Variants in DLEC1 observed in about 807,000 individuals in gnomAD.
DLEC1 encodes deleted in lung and esophageal cancer protein 1.
A neutral mutation model predicts 198.1 loss-of-function variants in DLEC1; 146 were observed. The observed-to-expected ratio is 0.74, with a 90% confidence interval of 0.64 to 0.85. DLEC1 has a LOEUF of 0.85. Ranked by LOEUF, DLEC1 falls within the 40% of genes least tolerant of loss-of-function variation. The pLI, the probability that DLEC1 is intolerant of heterozygous loss-of-function variation, is 0.00. For missense variants in DLEC1, 2,233 were observed against 2,220.0 expected (o/e 1.01, Z -0.12); for synonymous variants, 897 against 866.8 (o/e 1.03, Z -0.61).
Position 38,120,613 on chromosome 3 carries a change from C to A in DLEC1, c.4866+4C>A, listed in dbSNP as rs201177380. On this transcript the variant is annotated splice_donor_region_variant and intron_variant, in intron 34 of 36. Coordinates refer to ENST00000308059, the MANE Select transcript of DLEC1 (RefSeq NM_007335.4). ...GTACACCAACCAGACCACTCAGGCA[C>A]GCCCCAGGCCCACCTACATGTGGAG... 2.5e-6 allele frequency: 4 copies of A among 1,612,862 alleles called. No individual in the cohort carries two copies. Among genetic ancestry groups the A allele is most frequent in the Middle Eastern group, 4.0e-4 (2 of 5,032 alleles).
At chr3:38,074,223 A>G (rs1697478902) in intron 6 of DLEC1, among the ~76,000 whole-genome samples, 1 of 152,236 alleles carries the variant, frequency 6.6e-6, no homozygotes, top group Admixed American at 6.5e-5. Flanking sequence ...GTTTTGTCTC[A>G]CAGCAGAGGC....
chr3:38,058,715 A>T (rs934447305), intron 2 of DLEC1, among the ~76,000 whole-genome samples: 1 of 152,106 alleles, frequency 6.6e-6, no homozygotes, highest in Non-Finnish European at 1.5e-5. Flanking sequence ...TGTAATGTAA[A>T]CATGGACTTT....
chr3:38,100,302 T>C lies in DLEC1; in HGVS notation c.2741T>C (p.Ile914Thr), dbSNP rs566801055. The C allele has an allele frequency of 4.8e-5, 77 of 1,612,132 alleles. No homozygotes were observed. The highest frequency in any genetic ancestry group is 5.3e-5 in the African/African-American group (4 of 74,922). Residue 914 changes from isoleucine to threonine, a missense_variant, in exon 19 of 37, where the codon ATT becomes ACT. Coordinates refer to ENST00000308059, the MANE Select transcript of DLEC1 (RefSeq NM_007335.4). ...CCGGGGCAGGTGTCTCCCTTCGACATTGAGCCTTCGAGTGGCCAGCTTCAC... is the reference window on the plus strand; with the variant it reads ...CCGGGGCAGGTGTCTCCCTTCGACACTGAGCCTTCGAGTGGCCAGCTTCAC... ...ERPEDVSPFD[I>T]EPSSGQLHSL...
chr3:38,115,498 G>C (rs1700104663), intron 27 of DLEC1, among the ~76,000 whole-genome samples: 1 of 146,642 alleles, frequency 6.8e-6, no homozygotes, highest in South Asian at 2.1e-4. Flanking sequence ...CAGAGTGTAG[G>C]CTGAGTCTAA....
chr3:38,104,905 T>C (rs866887607), intron 19 of DLEC1, among the ~76,000 whole-genome samples: 3 of 152,132 alleles, frequency 2.0e-5, no homozygotes, highest in Admixed American at 2.0e-4. Context: ...TTGCAATCTT[T>C]CTTTTTTGTT....
At chr3:38,078,731 G>C (rs961452662) in intron 6 of DLEC1, among the ~76,000 whole-genome samples, 12 of 152,174 alleles carry the variant, frequency 7.9e-5, no homozygotes, top group South Asian at 6.2e-4. Flanking sequence ...GATGAAGGGT[G>C]CAAAGGAATA....
chr3:38,115,635 G>C (rs1049476681), intron 27 of DLEC1, among the ~76,000 whole-genome samples: 3 of 152,110 alleles, frequency 2.0e-5, no homozygotes, highest in Non-Finnish European at 4.4e-5. Context: ...CTGCCCCTGA[G>C]GAGAGCTGCG....
chr3:38,053,710 T>G (rs1297737453), intron 2 of DLEC1, among the ~76,000 whole-genome samples: 1 of 152,328 alleles, frequency 6.6e-6, no homozygotes, highest in African/African-American at 2.4e-5. Context: ...AACAGCTCAT[T>G]GAGAACGGGC....
rs944721227 is a variant in DLEC1, at chr3:38,117,924, A to G, written c.4604A>G (p.Gln1535Arg). ...TCCGTTTCTCAAGATGGGGCGAGCC[A>G]GGACCACAGAGCTCCTGGCCCTGGC... ...PFSVSQDGAS[Q>R]DHRAPGPGQK... The change falls in exon 33 of 37, where the codon CAG becomes CGG. Residue 1535 changes from glutamine (Q) to arginine (R), a missense_variant. Gln to Arg is a conservative substitution (Grantham distance 43). Coordinates refer to ENST00000308059, the MANE Select transcript of DLEC1 (RefSeq NM_007335.4). 1.2e-6 allele frequency: 2 copies of G among 1,614,022 alleles called. No homozygotes were observed. Among genetic ancestry groups the G allele is most frequent in the African/African-American group, 2.7e-5 (2 of 74,924 alleles).
chr3:38,054,735 G>C (rs1459798368), intron 2 of DLEC1, among the ~76,000 whole-genome samples: 1 of 152,198 alleles, frequency 6.6e-6, no homozygotes, highest in Non-Finnish European at 1.5e-5. Context: ...GAACATGCAT[G>C]GTGGGTGGCT....
chr3:38,082,912 G>T (rs1053852822), intron 6 of DLEC1, among the ~76,000 whole-genome samples: 5 of 152,206 alleles, frequency 3.3e-5, no homozygotes, highest in Non-Finnish European at 7.3e-5. Flanking sequence ...ACTACGGGAA[G>T]GCTGCCTTCC....
rs772645295 is a variant in DLEC1, at chr3:38,112,177, C to T, written c.3515-33C>T. The T allele has an allele frequency of 8.1e-6, 13 of 1,613,332 alleles. No homozygotes were observed. The highest frequency in any genetic ancestry group is 1.0e-5 in the Non-Finnish European group (12 of 1,179,602). ...TGGACCTCACTCCCAACCCCAGGCCCGTGAATCCCCCACAGTCGCGGTTCT... is the reference window on the plus strand; with the variant it reads ...TGGACCTCACTCCCAACCCCAGGCCTGTGAATCCCCCACAGTCGCGGTTCT... On this transcript the variant is annotated intron_variant, in intron 24 of 36. Coordinates refer to ENST00000308059, the MANE Select transcript of DLEC1 (RefSeq NM_007335.4). The surrounding 1 kb of genome is among the most constrained non-coding windows in gnomAD (Gnocchi z 4.8).
intron 7 of DLEC1, 24 bp downstream of exon 7, chr3:38,084,269 A>G (rs377410976): frequency 3.1e-6 from 5 of 1,595,598 alleles, no homozygotes; most frequent in Non-Finnish European, 3.4e-6. Context: ...TTGTAAGTTC[A>G]TTAGTAGTAG....
intron 11 of DLEC1, among the ~76,000 whole-genome samples, chr3:38,093,336 C>A (rs112880491): frequency 2.6e-5 from 4 of 152,016 alleles, no homozygotes; most frequent in African/African-American, 9.7e-5. Flanking sequence ...TTCCTCCTTC[C>A]CTCCCTCCTT....
At chr3:38,102,678 A>T in intron 19 of DLEC1, among the ~76,000 whole-genome samples, 1 of 152,110 alleles carries the variant, frequency 6.6e-6, no homozygotes, top group East Asian at 1.9e-4. Flanking sequence ...GGGATGAAGT[A>T]CATGTGAGTC....
At chr3:38,109,845 C>T in intron 22 of DLEC1, 1 of 688,512 alleles carries the variant, frequency 1.5e-6, no homozygotes, top group Non-Finnish European at 2.4e-6. Context: ...GGCTTGCCCA[C>T]ATGAGGCCCA....
intron 18 of DLEC1, 99 bp from the exon 19 acceptor site, chr3:38,100,187 C>T (rs1699231003): frequency 7.1e-7 from 1 of 1,412,504 alleles, no homozygotes; most frequent in African/African-American, 1.5e-5. Context: ...AGAGCTGGGG[C>T]AGCTTAGGAG....
At chr3:38,088,723 C>T (rs1452146225) in intron 10 of DLEC1, among the ~76,000 whole-genome samples, 1 of 152,204 alleles carries the variant, frequency 6.6e-6, no homozygotes, top group African/African-American at 2.4e-5. Context: ...CTTCCCTCCC[C>T]CAGGCCCCTC....
intron 6 of DLEC1, among the ~76,000 whole-genome samples, chr3:38,070,409 C>T (rs1178208354): frequency 6.6e-6 from 1 of 152,194 alleles, no homozygotes; most frequent in African/African-American, 2.4e-5. Flanking sequence ...AGAAACAGTT[C>T]CCACCTTTCC....
Sources: gnomAD v4.1 joint callset for allele counts (sites outside exome capture counted in the v4.1 genomes callset) on GRCh38, gnomAD v4.1.1 for gene constraint, Gnocchi (gnomAD v3.1) non-coding constraint, MANE v1.5 for transcripts, NCBI Gene and HGNC (gene_info 2026-07-23, HGNC 2026-07-21) for gene names.